The following ZC3H13 variants were observed in gnomAD, a reference collection of about 807,000 sequenced individuals.
ZC3H13 encodes the protein zinc finger CCCH-type containing 13.
Under a neutral mutation model 204.1 loss-of-function variants are expected in ZC3H13, and 64 were observed. The observed-to-expected ratio is 0.31, with a 90% CI of 0.26 to 0.39. The LOEUF (loss-of-function observed/expected upper bound fraction) is 0.39, where lower values mean the gene tolerates loss of function less well. ZC3H13 is among the 10% of genes least tolerant of loss of function. The pLI, the probability that ZC3H13 is intolerant of heterozygous loss-of-function variation, is 1.00. For missense variants in ZC3H13, 1,833 were observed against 2,082.7 expected (o/e 0.88, Z 2.33); for synonymous variants, 667 against 693.7 (o/e 0.96, Z 0.60).
intron 12 of ZC3H13, among the ~76,000 whole-genome samples, chr13:45,972,178 GA>G (rs948418715): frequency 3.3e-4 from 47 of 143,030 alleles, no homozygotes; most frequent in East Asian, 1.0e-3. Context: ...GTCATTATAT[GA>G]AAAAAAAAAA....
At chr13:45,984,495 T>C (rs1320637680) in intron 10 of ZC3H13, among the ~76,000 whole-genome samples, 1 of 152,126 alleles carries the variant, frequency 6.6e-6, no homozygotes, top group South Asian at 2.1e-4. Flanking sequence ...AGTTGATGCA[T>C]TGAAATAAAA....
intron 17 of ZC3H13, chr13:45,963,014 A>C: frequency 1.0e-6 from 1 of 985,452 alleles, no homozygotes; most frequent in Non-Finnish European, 1.2e-6. Flanking sequence ...TCAGCGTGAT[A>C]GGATATTTTC....
intron 8 of ZC3H13, 127 bp from the exon 9 acceptor site, chr13:45,989,224 C>T: frequency 1.0e-6 from 1 of 979,698 alleles, no homozygotes; most frequent in Non-Finnish European, 1.5e-6. Context: ...AATTTTAATT[C>T]ACAATGCTGT....
rs116413783 is a variant in ZC3H13 at position 45,991,605 on chromosome 13, G to A, written c.945-2508C>T. On this transcript the variant is annotated intron_variant, in intron 8 of 18. Coordinates refer to ENST00000679008, the MANE Select transcript of ZC3H13 (RefSeq NM_001330564.2). ...AATAGAAGTAACTTCAGATTAATTC[G>A]TCTTATGCTTTATAATTGGCTGGTT... Among the ~76,000 whole-genome samples the A allele has an allele frequency of 2.9e-3, 438 of 152,204 alleles. 6 individuals carry two copies. Among genetic ancestry groups the A allele is most frequent in the African/African-American group, 9.8e-3 (406 of 41,542 alleles).
At chr13:45,987,878 AT>A (rs1400622826) in intron 9 of ZC3H13, among the ~76,000 whole-genome samples, 1 of 152,200 alleles carries the variant, frequency 6.6e-6, no homozygotes, top group Non-Finnish European at 1.5e-5. Flanking sequence ...AAAGAAAGAG[AT>A]GAGAGCTATT....
intron 4 of ZC3H13, among the ~76,000 whole-genome samples, chr13:46,034,614 G>A (rs1020567690): frequency 1.3e-5 from 2 of 152,142 alleles, no homozygotes; most frequent in Non-Finnish European, 2.9e-5. Flanking sequence ...AAGGCATGAA[G>A]ATATGTTTTC....
At chr13:46,003,074 C>A in intron 8 of ZC3H13, 65 bp downstream of exon 8, 5 of 1,549,458 alleles carry the variant, frequency 3.2e-6, no homozygotes, top group Non-Finnish European at 4.3e-6. Context: ...CCAACGGCTT[C>A]TGAAAAGTAA....
intron 9 of ZC3H13, among the ~76,000 whole-genome samples, chr13:45,988,246 TTTA>T (rs1219194228): frequency 1.3e-5 from 2 of 151,970 alleles, no homozygotes; most frequent in Non-Finnish European, 2.9e-5. Context: ...CAGAACATCT[TTTA>T]TTATTATTAT....
chr13:46,024,669 T>C (rs1278601351), intron 4 of ZC3H13, among the ~76,000 whole-genome samples: 3 of 152,114 alleles, frequency 2.0e-5, no homozygotes, highest in Non-Finnish European at 4.4e-5. Flanking sequence ...AGATTTGTGG[T>C]TCATCAATTA....
intron 7 of ZC3H13, among the ~76,000 whole-genome samples, chr13:46,008,751 A>C (rs1162195595): frequency 6.6e-6 from 1 of 152,156 alleles, no homozygotes; most frequent in Non-Finnish European, 1.5e-5. Flanking sequence ...AGTGAAGTGG[A>C]GCGTATCACT....
At chr13:45,977,332 T>C (rs910171814) in intron 11 of ZC3H13, among the ~76,000 whole-genome samples, 2 of 152,166 alleles carry the variant, frequency 1.3e-5, no homozygotes, top group African/African-American at 2.4e-5. Flanking sequence ...CATTAACTTA[T>C]AGCAAATCAT....
intron 1 of ZC3H13, among the ~76,000 whole-genome samples, chr13:46,050,362 T>A (rs995343604): frequency 6.6e-6 from 1 of 152,152 alleles, no homozygotes; most frequent in Non-Finnish European, 1.5e-5. Flanking sequence ...TAAACACATA[T>A]GCGTTCTAGT....
intron 16 of ZC3H13, among the ~76,000 whole-genome samples, chr13:45,964,568 T>C (rs1380214554): frequency 6.6e-6 from 1 of 152,168 alleles, no homozygotes; most frequent in African/African-American, 2.4e-5. Flanking sequence ...AAATACCTGA[T>C]ACCAGAAAAT....
At chr13:45,958,114 C>G (rs1164961743) in intron 18 of ZC3H13, among the ~76,000 whole-genome samples, 1 of 152,134 alleles carries the variant, frequency 6.6e-6, no homozygotes, top group African/African-American at 2.4e-5. Flanking sequence ...ATTATACAGT[C>G]AAGACATGTT....
chr13:45,960,861 A>G (rs758778883), intron 17 of ZC3H13, among the ~76,000 whole-genome samples: 1 of 152,254 alleles, frequency 6.6e-6, no homozygotes, highest in Non-Finnish European at 1.5e-5. Flanking sequence ...TGCAATACAT[A>G]GCCGATTTCA....
At chr13:45,957,421 A>AAT in intron 18 of ZC3H13, 124 bp from the exon 19 acceptor site, 1 of 986,698 alleles carries the variant, frequency 1.0e-6, no homozygotes, top group Non-Finnish European at 1.3e-6. Context: ...ATATTAAATT[A>AAT]GCTTTATTGG....
chr13:45,992,257 A>C (rs1188072243), intron 8 of ZC3H13, among the ~76,000 whole-genome samples: 2 of 152,188 alleles, frequency 1.3e-5, no homozygotes, highest in African/African-American at 4.8e-5. Context: ...TAATTCACTC[A>C]ACAAATATTA....
chr13:45,968,069 G>T, intron 14 of ZC3H13, 41 bp from the exon 15 acceptor site: 2 of 1,496,262 alleles, frequency 1.3e-6, no homozygotes, highest in East Asian at 2.3e-5. Context: ...ATTAGCACAT[G>T]ATAAAATAGA....
At chr13:46,022,623 A>G (rs2042287786) in intron 4 of ZC3H13, among the ~76,000 whole-genome samples, 1 of 152,000 alleles carries the variant, frequency 6.6e-6, no homozygotes. Context: ...TGTGTTGTAA[A>G]TTAGTCATCC....
Sources: gnomAD v4.1 joint callset for allele counts (sites outside exome capture counted in the v4.1 genomes callset) on GRCh38, gnomAD v4.1.1 for gene constraint, MANE v1.5 for transcripts, NCBI Gene and HGNC (gene_info 2026-07-23, HGNC 2026-07-21) for gene names.